The following PRKDC variants were observed in gnomAD, a reference collection of about 807,000 sequenced individuals.
The protein encoded by PRKDC is protein kinase, DNA-activated, catalytic subunit, also known as DNA-dependent protein kinase catalytic subunit.
In PRKDC, 82 loss-of-function variants were observed where a neutral mutation model predicts 486.9. The ratio of observed to expected loss-of-function variants is 0.17; its 90% CI spans 0.14 to 0.20. The LOEUF (loss-of-function observed/expected upper bound fraction) is 0.20, where lower values mean the gene tolerates loss of function less well. Ranked by LOEUF, PRKDC falls within the 10% of genes least tolerant of loss-of-function variation. PRKDC has a pLI of 1.00. For missense variants in PRKDC, 4,504 were observed against 5,038.2 expected, an observed-to-expected ratio of 0.89 and a Z score of 3.21; for synonymous variants, 1,895 against 1,837.0, an observed-to-expected ratio of 1.03 and a Z score of -0.81.
chr8:47,862,076 GA>G lies in PRKDC; in HGVS notation c.5970del (p.Pro1991LeufsTer2). On this transcript the variant is annotated frameshift_variant, in exon 44 of 86. Transcript: ENST00000314191. LOFTEE classifies it high-confidence loss of function. ...NLIDLKRRYN[F>X]PVEVEVPMER... is the part of the protein sequence containing the mutation. ...ATTTCACTCACCTCAACTTCTACAG[GA>G]AAATTATAGCGGCGCTTCAGGTCGA... The G allele has an allele frequency of 6.4e-7, 1 of 1,551,528 alleles. No homozygotes were observed. Among genetic ancestry groups the G allele is most frequent in the Non-Finnish European group, 8.7e-7 (1 of 1,146,038 alleles).
At chr8:47,925,409 G>A (rs1189393384) in intron 21 of PRKDC, among the ~76,000 whole-genome samples, 3 of 152,166 alleles carry the variant, frequency 2.0e-5, no homozygotes, top group Middle Eastern at 6.3e-3. Context: ...CAAAATAACT[G>A]GCCTGCAGCC....
chr8:47,806,856 C>T (rs936228381), intron 69 of PRKDC, among the ~76,000 whole-genome samples: 36 of 152,210 alleles, frequency 2.4e-4, no homozygotes, highest in African/African-American at 8.7e-4. Flanking sequence ...TGAATAAGTG[C>T]TCCTTCAAGT....
Position 47,803,056 on chromosome 8 carries a change from G to A in PRKDC, c.9922+250C>T, listed in dbSNP as rs117147947. Among the ~76,000 whole-genome samples the A allele has an allele frequency of 8.0e-3, 1,217 of 152,274 alleles. 13 individuals are homozygous for A. Among genetic ancestry groups the A allele is most frequent in the Non-Finnish European group, 0.011 (771 of 68,026 alleles). ...CCCACCTCGGTCGCCCAAATTGCTCGGATTACAGGCGTGAGCCACTGCGCC... is the reference window on the plus strand; with the variant it reads ...CCCACCTCGGTCGCCCAAATTGCTCAGATTACAGGCGTGAGCCACTGCGCC... On this transcript the variant is annotated intron_variant, in intron 70 of 85. Transcript: ENST00000314191.
chr8:47,802,058 TTTC>T (rs138398604), intron 70 of PRKDC, among the ~76,000 whole-genome samples: 3,714 of 152,162 alleles, frequency 0.024, 46 homozygotes, highest in Non-Finnish European at 0.037. Flanking sequence ...TAAGGATAAT[TTTC>T]TTCTTCTTCT....
intron 21 of PRKDC, among the ~76,000 whole-genome samples, chr8:47,919,431 T>C (rs1334736339): frequency 6.6e-6 from 1 of 152,264 alleles, no homozygotes; most frequent in Non-Finnish European, 1.5e-5. Flanking sequence ...GAATTAAACT[T>C]TGACACATGT....
rs2088698834 is a variant in PRKDC at position 47,862,443 on chromosome 8, G to C, written c.5849C>G (p.Ser1950Cys). ...YHCAAYNCAISVICCVFNELK... is the reference protein window; with the variant it reads ...YHCAAYNCAICVICCVFNELK... ...CTCATTGAAGACACAGCAGATGACA[G>C]ATATGGCGCAGTTGTATGCTGCACA... Residue 1950 changes from serine (S) to cysteine (C), a missense_variant, in exon 43 of 86, where the codon TCT becomes TGT. This residue lies in a region of PRKDC where 80 missense variants were observed against 132.3 expected (regional missense o/e 0.60). Transcript: ENST00000314191. 1.2e-6 allele frequency: 2 copies of C among 1,613,866 alleles called. No homozygotes were observed. Among genetic ancestry groups the C allele is most frequent in the Admixed American group, 1.7e-5 (1 of 60,006 alleles).
intron 19 of PRKDC, among the ~76,000 whole-genome samples, 169 bp from the exon 20 acceptor site, chr8:47,928,059 C>T (rs1037648895): frequency 2.6e-5 from 4 of 151,916 alleles, no homozygotes; most frequent in African/African-American, 7.3e-5. Flanking sequence ...GTTAATTTGT[C>T]GAAATGCTTA....
At chr8:47,805,546 A>G (rs1201197094) in intron 69 of PRKDC, among the ~76,000 whole-genome samples, 1 of 152,206 alleles carries the variant, frequency 6.6e-6, no homozygotes, top group African/African-American at 2.4e-5. Flanking sequence ...CCCTTATCAG[A>G]TATGTGATCA....
chr8:47,860,635 A>T (rs1345971853), intron 45 of PRKDC, among the ~76,000 whole-genome samples: 3 of 152,230 alleles, frequency 2.0e-5, no homozygotes, highest in Non-Finnish European at 4.4e-5. Flanking sequence ...TTGTATTTTT[A>T]AAAAAGTGTA....
chr8:47,920,623 A>G (rs1393585516), intron 21 of PRKDC, among the ~76,000 whole-genome samples: 1 of 152,262 alleles, frequency 6.6e-6, no homozygotes, highest in Non-Finnish European at 1.5e-5. Context: ...GAATATTCAC[A>G]TAATTAAGGC....
intron 74 of PRKDC, among the ~76,000 whole-genome samples, chr8:47,790,141 C>T (rs1176573488): frequency 1.3e-5 from 2 of 152,120 alleles, no homozygotes; most frequent in Non-Finnish European, 2.9e-5. Context: ...GCAGATGATA[C>T]GATCTTATAT....
chr8:47,851,718 T>C (rs1203727295), intron 52 of PRKDC, among the ~76,000 whole-genome samples: 1 of 152,024 alleles, frequency 6.6e-6, no homozygotes, highest in African/African-American at 2.4e-5. Context: ...GAGCAGTGAG[T>C]GAGGCCAAAG....
At chr8:47,914,096 CTT>C in intron 23 of PRKDC, 32 bp from the exon 24 acceptor site, 1 of 1,397,122 alleles carries the variant, frequency 7.2e-7, no homozygotes, top group Non-Finnish European at 9.4e-7. Context: ...GAATGAAACA[CTT>C]TTTTTCTTTT....
intron 59 of PRKDC, 95 bp downstream of exon 59, chr8:47,834,101 G>A (rs2087950673): frequency 2.7e-6 from 4 of 1,461,892 alleles, no homozygotes; most frequent in Middle Eastern, 1.8e-4. Flanking sequence ...CGAATGAGAA[G>A]GAAACATGGA....
At chr8:47,952,051 T>A (rs920573841) in intron 7 of PRKDC, among the ~76,000 whole-genome samples, 2 of 152,174 alleles carry the variant, frequency 1.3e-5, no homozygotes, top group Non-Finnish European at 2.9e-5. Flanking sequence ...TGAAAAACAG[T>A]ATGACGATTT....
intron 68 of PRKDC, among the ~76,000 whole-genome samples, chr8:47,813,639 G>A (rs958898655): frequency 4.6e-5 from 7 of 151,728 alleles, no homozygotes; most frequent in African/African-American, 1.7e-4. Context: ...GCAATGGTAC[G>A]ATCTTGCCTC....
rs983746798 is a variant in PRKDC, at chr8:47,849,051, T to C, written c.7280+103A>G. ...CAGAGATTCCAACTTCACAAATGTG[T>C]ATATCATGGAAACCCACAGGTTCTT... is the stretch of plus-strand genomic sequence containing the variant. On this transcript the variant is annotated intron_variant, in intron 54 of 85. Coordinates refer to ENST00000314191, the MANE Select transcript of PRKDC (RefSeq NM_006904.7). 13 of 1,391,194 alleles carry C rather than the reference T, an allele frequency of 9.3e-6. No homozygotes were observed. In the African/African-American group the frequency reaches 1.7e-4, roughly 19 times the overall value. The allele number at this position is 1,391,194 out of a possible 1,614,324, so 86.2% of individuals were successfully genotyped here. A position where few individuals can be genotyped will look rare whatever the true frequency, so the allele number is the denominator to read the frequency against.
intron 80 of PRKDC, among the ~76,000 whole-genome samples, chr8:47,781,253 T>A (rs1396786277): frequency 2.0e-5 from 3 of 152,204 alleles, no homozygotes; most frequent in Admixed American, 2.0e-4. Flanking sequence ...AGTTGCCCTG[T>A]CTTCCAGGGA....
At chr8:47,858,656 T>C in intron 47 of PRKDC, 21 bp from the exon 48 acceptor site, 1 of 1,484,178 alleles carries the variant, frequency 6.7e-7, no homozygotes, top group African/African-American at 1.4e-5. Flanking sequence ...ACATTCAAAA[T>C]TACCTTAAAA....
Sources: gnomAD v4.1 joint callset for allele counts (sites outside exome capture counted in the v4.1 genomes callset) on GRCh38, gnomAD v4.1.1 for gene constraint, gnomAD v4.1.1 regional missense constraint, MANE v1.5 for transcripts, NCBI Gene and HGNC (gene_info 2026-07-23, HGNC 2026-07-21) for gene names.